CCNJL: variants seen among roughly 807,000 people sequenced by gnomAD.
The protein encoded by CCNJL is cyclin J like, also known as cyclin-J-like protein.
Under a neutral mutation model 33.4 loss-of-function variants are expected in CCNJL, and 33 were observed. The observed-to-expected ratio is 0.99, with a 90% CI of 0.75 to 1.32. CCNJL has a LOEUF of 1.32. Ranked by LOEUF, CCNJL falls within the 40% of genes most tolerant of loss-of-function variation. The pLI is 0.00. For synonymous variants in CCNJL, 227 were observed against 220.9 expected, an observed-to-expected ratio of 1.03 and a Z score of -0.24; for missense variants, 512 against 499.7, an observed-to-expected ratio of 1.02 and a Z score of -0.23.
chr5:160,326,780 C>T (rs555984259), intron 1 of CCNJL: 14 of 887,484 alleles, frequency 1.6e-5, no homozygotes, highest in South Asian at 7.7e-5. Flanking sequence ...CAAAATAGAT[C>T]GCAGATTCAG....
At chr5:160,282,277 G>A (rs1393754415) in intron 2 of CCNJL, among the ~76,000 whole-genome samples, 2 of 152,150 alleles carry the variant, frequency 1.3e-5, no homozygotes, top group African/African-American at 2.4e-5. Flanking sequence ...TCTACACTGG[G>A]TGTTATTCTA....
At chr5:160,285,932 T>A (rs1402657240) in intron 2 of CCNJL, among the ~76,000 whole-genome samples, 1 of 152,210 alleles carries the variant, frequency 6.6e-6, no homozygotes, top group African/African-American at 2.4e-5. Flanking sequence ...CGGCAGCTCC[T>A]CTCAACAGTG....
At chr5:160,290,370 A>C (rs915206000) in intron 2 of CCNJL, among the ~76,000 whole-genome samples, 3 of 151,552 alleles carry the variant, frequency 2.0e-5, no homozygotes, top group East Asian at 1.9e-4. Context: ...GGTTCAAGAG[A>C]TTCTCCTGCC....
chr5:160,337,902 C>CT (rs1461167393), intron 1 of CCNJL, among the ~76,000 whole-genome samples: 2 of 152,192 alleles, frequency 1.3e-5, no homozygotes, highest in African/African-American at 4.8e-5. Context: ...CACACATACT[C>CT]TGAGTTCTGC....
chr5:160,266,280 A>G (rs1229031785), intron 3 of CCNJL, among the ~76,000 whole-genome samples: 2 of 152,256 alleles, frequency 1.3e-5, no homozygotes, highest in Non-Finnish European at 2.9e-5. Context: ...AAGGGAGGCC[A>G]GTGTCCCAGG....
chr5:160,313,455 C>T (rs1350965003), upstream of CCNJL, among the ~76,000 whole-genome samples: 1 of 152,154 alleles, frequency 6.6e-6, no homozygotes, highest in African/African-American at 2.4e-5. Flanking sequence ...ATAATCACTA[C>T]ACCAGGTATT....
At chr5:160,320,788 CCTTTCTTTCTTTCTTTCTTTCTTT>C (rs70990723) in intron 1 of CCNJL, among the ~76,000 whole-genome samples, 4,123 of 116,324 alleles carry the variant, frequency 0.035, 102 homozygotes, top group Non-Finnish European at 0.051. Flanking sequence ...TTCTTTCTTT[CCTTTCTTTCTTTCTTTCTTTCTTT>C]CTTTCTTTCT....
chr5:160,326,017 A>G (rs1763530522), intron 1 of CCNJL, among the ~76,000 whole-genome samples: 1 of 152,218 alleles, frequency 6.6e-6, no homozygotes, highest in Non-Finnish European at 1.5e-5. Context: ...AACTCCTGCT[A>G]CAAGGCACCA....
chr5:160,316,292 A>G (rs1763379858), upstream of CCNJL, among the ~76,000 whole-genome samples: 1 of 152,036 alleles, frequency 6.6e-6, no homozygotes, highest in Non-Finnish European at 1.5e-5. Flanking sequence ...CAAAAACTAA[A>G]CTTTCATTAA....
chr5:160,266,227 C>G (rs1229549638), intron 3 of CCNJL, among the ~76,000 whole-genome samples: 1 of 152,270 alleles, frequency 6.6e-6, no homozygotes, highest in African/African-American at 2.4e-5. Flanking sequence ...AGAGAAAGCT[C>G]TGGCTGAAAG....
At chr5:160,273,806 C>T (rs1255102739) in intron 3 of CCNJL, among the ~76,000 whole-genome samples, 1 of 151,942 alleles carries the variant, frequency 6.6e-6, no homozygotes, top group Admixed American at 6.6e-5. Flanking sequence ...ACCACCACAA[C>T]CGGCTAATTT....
At chr5:160,332,007 A>G (rs1339197372) in intron 1 of CCNJL, among the ~76,000 whole-genome samples, 2 of 152,128 alleles carry the variant, frequency 1.3e-5, no homozygotes, top group Admixed American at 6.5e-5. Flanking sequence ...AGTCTGATGC[A>G]TGGGCCCCAG....
Position 160,295,605 on chromosome 5 carries a change from CAG to C in CCNJL, c.67-14869_67-14868del, listed in dbSNP as rs1762728244. On this transcript the variant is annotated intron_variant, in intron 2 of 5. Coordinates refer to ENST00000257536, the MANE Select transcript of CCNJL (RefSeq NM_001308173.3). Reference sequence around the variant, plus strand: ...TTTGTGTTCTTATAGGAAGAGTAAACAGAGACAGAGACACAGAGGGAAGACGA... The same window carrying C: ...TTTGTGTTCTTATAGGAAGAGTAAACAGACAGAGACACAGAGGGAAGACGA... Among the ~76,000 whole-genome samples, 3 of 152,150 alleles carry C rather than the reference CAG, an allele frequency of 2.0e-5. No individual in the cohort carries two copies. In the East Asian group the frequency reaches 5.8e-4, roughly 29 times the overall value.
chr5:160,291,685 A>G (rs1268802781), intron 2 of CCNJL, among the ~76,000 whole-genome samples: 1 of 152,252 alleles, frequency 6.6e-6, no homozygotes, highest in African/African-American at 2.4e-5. Context: ...CTAAACCTAG[A>G]GATTTACTGA....
In CCNJL at chr5:160,255,535, G is replaced by C; in HGVS notation, c.743+14C>G. On this transcript the variant is annotated intron_variant, in intron 5 of 5. Coordinates refer to ENST00000257536, the MANE Select transcript of CCNJL (RefSeq NM_001308173.3). The stretch of plus-strand genomic sequence containing the variant: ...CACTATTTCAGAAACACAGGATTCA[G>C]GGGAGAAACTTACACCAGCAGGATT... 6.2e-7 allele frequency: 1 copy of C among 1,613,390 alleles called. No individual in the cohort carries two copies.
intron 2 of CCNJL, among the ~76,000 whole-genome samples, chr5:160,290,833 G>A (rs922476263): frequency 6.6e-6 from 1 of 151,964 alleles, no homozygotes; most frequent in African/African-American, 2.4e-5. Context: ...AACATTATTT[G>A]TTCCTGATCT....
At chr5:160,293,352 G>A (rs112410434) in intron 2 of CCNJL, among the ~76,000 whole-genome samples, 21,964 of 152,182 alleles carry the variant, frequency 0.14, 1,790 homozygotes, top group South Asian at 0.24. Flanking sequence ...GCTTGAACCC[G>A]GGAGGTGGAG....
rs781632392 is a variant in CCNJL, at chr5:160,259,643, C to T, written c.409G>A (p.Ala137Thr). 5.6e-6 allele frequency: 9 copies of T among 1,614,022 alleles called. No individual in the cohort carries two copies. Among genetic ancestry groups the T allele is most frequent in the Non-Finnish European group, 5.1e-6 (6 of 1,180,036 alleles). ...LLSTELLLLE[A>T]FSWNLCLPTP... Reference sequence around the variant, plus strand: ...GGCAGGCAGAGGTTCCAGCTGAAGGCCTCCAGGAGCAGCAGCTCTGTGCTC... The same window carrying T: ...GGCAGGCAGAGGTTCCAGCTGAAGGTCTCCAGGAGCAGCAGCTCTGTGCTC... The change falls in exon 4 of 6, where the codon GCC becomes ACC. Residue 137 changes from alanine to threonine, a missense_variant. Coordinates refer to ENST00000257536, the MANE Select transcript of CCNJL (RefSeq NM_001308173.3).
At chr5:160,317,536 G>A (rs910343999), upstream of CCNJL, among the ~76,000 whole-genome samples, 29 of 152,248 alleles carry the variant, frequency 1.9e-4, no homozygotes, top group South Asian at 2.1e-3. Context: ...ACTATATCCC[G>A]TGCCTCATGA....
Sources: allele counts gnomAD v4.1 joint callset (sites outside exome capture counted in the v4.1 genomes callset), GRCh38; gene constraint gnomAD v4.1.1; transcripts MANE v1.5; gene names NCBI Gene and HGNC (gene_info 2026-07-23, HGNC 2026-07-21).